Variants in IPMK observed in about 807,000 individuals in gnomAD.
IPMK encodes inositol 1,3,4,6-tetrakisphosphate 5-kinase.
Under a neutral mutation model 45.8 loss-of-function variants are expected in IPMK, and 17 were observed. That is an observed-to-expected ratio of 0.37 (90% CI 0.25 to 0.56). The LOEUF (loss-of-function observed/expected upper bound fraction) is 0.56. Among genes scored for constraint, IPMK ranks in the 20% least tolerant of loss-of-function variants. The pLI is 0.79. For missense variants in IPMK, 399 were observed against 498.0 expected, an observed-to-expected ratio of 0.80 and a Z score of 1.89; for synonymous variants, 180 against 184.3, an observed-to-expected ratio of 0.98 and a Z score of 0.19.
chr10:58,260,811 G>A (rs933810662), intron 1 of IPMK, among the ~76,000 whole-genome samples: 1 of 152,022 alleles, frequency 6.6e-6, no homozygotes. Flanking sequence ...TTCAAGTATT[G>A]GAAGACTCAA....
At chr10:58,257,472 G>A (rs1838988712) in intron 1 of IPMK, among the ~76,000 whole-genome samples, 1 of 151,980 alleles carries the variant, frequency 6.6e-6, no homozygotes, top group South Asian at 2.1e-4. Flanking sequence ...TCCAGCCTGG[G>A]CAACGGAGCA....
chr10:58,238,998 A>C (rs1181084433), intron 1 of IPMK, among the ~76,000 whole-genome samples: 1 of 152,152 alleles, frequency 6.6e-6, no homozygotes, highest in Non-Finnish European at 1.5e-5. Flanking sequence ...TAAAAAAGAA[A>C]ATTAGCTGGG....
intron 3 of IPMK, among the ~76,000 whole-genome samples, chr10:58,223,209 T>C (rs1838362979): frequency 6.6e-6 from 1 of 152,224 alleles, no homozygotes; most frequent in African/African-American, 2.4e-5. Flanking sequence ...CTTTTCTATC[T>C]TGTTTAACAT....
chr10:58,204,653 G>A (rs1838046428), intron 4 of IPMK, among the ~76,000 whole-genome samples: 1 of 152,044 alleles, frequency 6.6e-6, no homozygotes, highest in Non-Finnish European at 1.5e-5. Flanking sequence ...AAATTAGTTG[G>A]GTGTGATGGT....
chr10:58,215,840 A>G (rs1838236682), intron 4 of IPMK, among the ~76,000 whole-genome samples: 1 of 152,128 alleles, frequency 6.6e-6, no homozygotes. Flanking sequence ...ATTTGCTTGC[A>G]CCTAAATTTA....
intron 4 of IPMK, among the ~76,000 whole-genome samples, chr10:58,212,091 A>G (rs191090445): frequency 1.4e-3 from 206 of 152,076 alleles, no homozygotes; most frequent in Non-Finnish European, 1.9e-3. Context: ...GGTCCACTTC[A>G]GATGTTGGCA....
At chr10:58,235,009 T>C (rs1838587076) in intron 2 of IPMK, among the ~76,000 whole-genome samples, 3 of 152,070 alleles carry the variant, frequency 2.0e-5, no homozygotes, top group Admixed American at 2.0e-4. Context: ...GGGCAAAGGA[T>C]ATGAACAGAC....
At chr10:58,227,486 G>A (rs1276023240) in intron 2 of IPMK, among the ~76,000 whole-genome samples, 5 of 152,182 alleles carry the variant, frequency 3.3e-5, no homozygotes, top group Admixed American at 3.3e-4. Flanking sequence ...CACCCTGAGA[G>A]GAGGAAATGT....
At chr10:58,241,549 A>G (rs189521152) in intron 1 of IPMK, among the ~76,000 whole-genome samples, 71 of 152,300 alleles carry the variant, frequency 4.7e-4, no homozygotes, top group African/African-American at 1.6e-3. Context: ...CAGGGTTTGC[A>G]TAACAAAATG....
At chr10:58,253,734 C>CAAAA (rs1183304261) in intron 1 of IPMK, among the ~76,000 whole-genome samples, 1 of 49,880 alleles carries the variant, frequency 2.0e-5, no homozygotes, top group African/African-American at 9.6e-5. Flanking sequence ...ACTCCATCTC[C>CAAAA]AAAAAAAAAA....
At chr10:58,229,807 A>G (rs917529180) in intron 2 of IPMK, among the ~76,000 whole-genome samples, 7 of 152,116 alleles carry the variant, frequency 4.6e-5, no homozygotes, top group Non-Finnish European at 8.8e-5. Flanking sequence ...TGATTTCTGC[A>G]TTTCAAACTG....
At chr10:58,264,000 C>T (rs1375659265) in intron 1 of IPMK, among the ~76,000 whole-genome samples, 1 of 152,160 alleles carries the variant, frequency 6.6e-6, no homozygotes, top group South Asian at 2.1e-4. Flanking sequence ...TGGACCAGAT[C>T]CTGTACTGAG....
intron 4 of IPMK, among the ~76,000 whole-genome samples, chr10:58,207,288 C>T (rs554617123): frequency 5.9e-5 from 9 of 152,258 alleles, no homozygotes; most frequent in Admixed American, 2.0e-4. Context: ...CAGGCAATCA[C>T]ATTTTCTTTA....
intron 4 of IPMK, among the ~76,000 whole-genome samples, chr10:58,208,323 A>G (rs564534491): frequency 9.9e-5 from 15 of 152,154 alleles, no homozygotes; most frequent in Middle Eastern, 3.4e-3. Context: ...AATTCTTTAT[A>G]TGGCAATTCA....
At chr10:58,208,416 T>G (rs758284188) in intron 4 of IPMK, among the ~76,000 whole-genome samples, 1 of 152,226 alleles carries the variant, frequency 6.6e-6, no homozygotes, top group Non-Finnish European at 1.5e-5. Context: ...TTTTGTCATA[T>G]TACCAGAATT....
intron 4 of IPMK, 36 bp downstream of exon 4, chr10:58,216,108 AG>A: frequency 7.6e-7 from 1 of 1,315,264 alleles, no homozygotes; most frequent in East Asian, 2.7e-5. Context: ...GAACATGTAC[AG>A]AGAAATGTGC....
rs1451087689 is a variant in IPMK, at chr10:58,204,441, C to A, written c.547-5120G>T. ...TCTTTGCAGAAACTGACAAGCTGAT[C>A]CTAAAATTCATGTGGAAACTAAAGG... On this transcript the variant is annotated intron_variant, in intron 4 of 5. Coordinates refer to ENST00000373935, the MANE Select transcript of IPMK (RefSeq NM_152230.5). Among the ~76,000 whole-genome samples, 3 of 151,988 alleles carry A rather than the reference C, an allele frequency of 2.0e-5. No homozygotes were observed. The East Asian group carries it at 5.8e-4, about 29-fold the overall frequency.
At position 58,192,598 on chromosome 10, in the gene IPMK, A is replaced by AT. The variant is rs1414009955; in HGVS notation, c.*3477dup. The stretch of plus-strand genomic sequence containing the variant: ...TTAATTAAGTCCCCAATCCCACCCC[A>AT]TCCAAAGAGAATGCTGAAAATGGTT... On this transcript the variant is annotated 3_prime_UTR_variant, in exon 6 of 6. Transcript: ENST00000373935. 1 of 151,918 alleles carries AT rather than the reference A, an allele frequency of 6.6e-6. No individual in the cohort carries two copies. The highest frequency in any genetic ancestry group is 1.5e-5 in the Non-Finnish European group (1 of 67,870). The allele number at this position is 151,918 out of a possible 1,614,324, so 9.4% of individuals were successfully genotyped here. A position where few individuals can be genotyped will look rare whatever the true frequency, so the allele number is the denominator to read the frequency against.
Position 58,267,732 on chromosome 10 carries a change from G to C in IPMK, c.-121C>G. ...CGCGAGGAGGCCCGGGGGTTCCCGCGGCTGGTGCCCTCTGAAGCGCGGGGA... is the reference window on the plus strand; with the variant it reads ...CGCGAGGAGGCCCGGGGGTTCCCGCCGCTGGTGCCCTCTGAAGCGCGGGGA... On this transcript the variant is annotated 5_prime_UTR_variant, in exon 1 of 6. Transcript: ENST00000373935. 1.5e-6 allele frequency: 1 copy of C among 646,678 alleles called. No homozygotes were observed. Among genetic ancestry groups the C allele is most frequent in the East Asian group, 2.8e-5 (1 of 35,414 alleles). The allele number at this position is 646,678 out of a possible 1,614,324, so 40.1% of individuals were successfully genotyped here. A position where few individuals can be genotyped will look rare whatever the true frequency, so the allele number is the denominator to read the frequency against.
Sources: allele counts gnomAD v4.1 joint callset (sites outside exome capture counted in the v4.1 genomes callset), GRCh38; gene constraint gnomAD v4.1.1; transcripts MANE v1.5; gene names NCBI Gene and HGNC (gene_info 2026-07-23, HGNC 2026-07-21).